The following UBASH3A variants were observed in gnomAD, a reference collection of about 807,000 sequenced individuals.
UBASH3A encodes the protein ubiquitin associated and SH3 domain containing A.
Under a neutral mutation model 73.5 loss-of-function variants are expected in UBASH3A, and 63 were observed. The observed-to-expected ratio is 0.86, with a 90% CI of 0.70 to 1.06. UBASH3A has a LOEUF of 1.06. UBASH3A is among the 50% of genes least tolerant of loss of function. The probability of loss-of-function intolerance (pLI) is 0.00; values close to 1 mark genes in which losing one functional copy is unlikely to be tolerated. For missense variants in UBASH3A, 860 were observed against 859.0 expected, an observed-to-expected ratio of 1.00 and a Z score of -0.02; for synonymous variants, 363 against 351.1, an observed-to-expected ratio of 1.03 and a Z score of -0.38.
intron 8 of UBASH3A, among the ~76,000 whole-genome samples, chr21:42,427,985 G>A (rs538478960): frequency 1.2e-4 from 19 of 152,300 alleles, no homozygotes; most frequent in African/African-American, 4.3e-4. Context: ...CTTTAAAGAG[G>A]TATTTAAGGT....
chr21:42,429,005 AT>A (rs1384275057), intron 8 of UBASH3A, among the ~76,000 whole-genome samples: 12 of 152,266 alleles, frequency 7.9e-5, no homozygotes, highest in Non-Finnish European at 1.6e-4. Context: ...AAATGAGGAA[AT>A]GATCCTGGGT....
rs552007194 is a variant in UBASH3A at position 42,447,528 on chromosome 21, G to A, written c.*334G>A. The stretch of plus-strand genomic sequence containing the variant: ...CAGGAATTAAAGACTCACCACACAC[G>A]AAGGATCTAACCACTTCATTTTCCA... On this transcript the variant is annotated 3_prime_UTR_variant, in exon 15 of 15. Coordinates refer to ENST00000319294, the MANE Select transcript of UBASH3A (RefSeq NM_018961.4). 23 of 224,416 alleles carry A rather than the reference G, an allele frequency of 1.0e-4. No individual in the cohort carries two copies. Among genetic ancestry groups the A allele is most frequent in the Non-Finnish European group, 1.6e-4 (19 of 115,400 alleles). The allele number at this position is 224,416 out of a possible 1,614,324, so 13.9% of individuals were successfully genotyped here.
intron 7 of UBASH3A, 118 bp from the exon 8 acceptor site, chr21:42,426,579 A>G: frequency 8.3e-7 from 1 of 1,204,648 alleles, no homozygotes; most frequent in Non-Finnish European, 1.2e-6. Flanking sequence ...TGCTCATGGG[A>G]ACCTTTCTGC....
chr21:42,410,045 T>C, intron 3 of UBASH3A: 3 of 701,280 alleles, frequency 4.3e-6, no homozygotes, highest in Non-Finnish European at 7.8e-6. Context: ...GCTTCCAAAA[T>C]GTGTGGTAAG....
chr21:42,412,320 T>C (rs1190940721), intron 3 of UBASH3A, among the ~76,000 whole-genome samples: 1 of 151,800 alleles, frequency 6.6e-6, no homozygotes, highest in Non-Finnish European at 1.5e-5. Context: ...GCCTCAGGGG[T>C]GGGAGCTGCA....
intron 9 of UBASH3A, among the ~76,000 whole-genome samples, chr21:42,433,701 T>C (rs1601593399): frequency 1.3e-5 from 2 of 152,272 alleles, no homozygotes; most frequent in East Asian, 3.9e-4. Context: ...ACCTCTAAAA[T>C]GCAGTGTTCA....
Position 42,409,618 on chromosome 21 carries a change from C to G in UBASH3A, c.354+10C>G. ...CTGTGACTTCTTCACGGTGAGTCAA[C>G]CCAGTGTGCCTTCAATGCTCACGGC... is the stretch of plus-strand genomic sequence containing the variant. On this transcript the variant is annotated intron_variant, in intron 3 of 14. Transcript: ENST00000319294. 1 of 1,603,586 alleles carries G rather than the reference C, an allele frequency of 6.2e-7. No individual in the cohort carries two copies. The highest frequency in any genetic ancestry group is 8.5e-7 in the Non-Finnish European group (1 of 1,174,450).
intron 3 of UBASH3A, chr21:42,410,340 C>T (rs992267902): frequency 1.7e-6 from 1 of 591,098 alleles, no homozygotes. Context: ...CGCGGCCTGG[C>T]CCCAACTCTG....
rs116228210 is a variant in UBASH3A, at chr21:42,422,259, G to A, written c.1046+3650G>A. ...CAAATGTGGGATGAAAAATGCAGCC[G>A]TAGTCACACGTCTTTATTTATTGAT... On this transcript the variant is annotated intron_variant, in intron 7 of 14. Coordinates refer to ENST00000319294, the MANE Select transcript of UBASH3A (RefSeq NM_018961.4). 4.7e-3 allele frequency among the ~76,000 whole-genome samples: 714 copies of A among 152,290 alleles called. 4 individuals carry two copies. Among genetic ancestry groups the A allele is most frequent in the African/African-American group, 0.015 (636 of 41,540 alleles).
In UBASH3A at chr21:42,447,248, A is replaced by G; in HGVS notation, c.*54A>G. 6.4e-7 allele frequency: 1 copy of G among 1,565,698 alleles called. No individual in the cohort carries two copies. Among genetic ancestry groups the G allele is most frequent in the South Asian group, 1.2e-5 (1 of 85,132 alleles). On this transcript the variant is annotated 3_prime_UTR_variant, in exon 15 of 15. Transcript: ENST00000319294. ...GAGTGGAGAGGCAGAAACCATGTGCAGAGGCTGGGAGATGCTGCTGTTTCC... is the reference window on the plus strand; with the variant it reads ...GAGTGGAGAGGCAGAAACCATGTGCGGAGGCTGGGAGATGCTGCTGTTTCC...
chr21:42,413,474 G>A lies in UBASH3A; in HGVS notation c.618G>A (p.Leu206=), dbSNP rs566286367. The change falls in exon 5 of 15, where the codon CTG becomes CTA. Residue 206 remains leucine, a synonymous_variant. Transcript: ENST00000319294. This position sits in a 1 kb window ranked among gnomAD's most constrained non-coding sequence, Gnocchi z 4.5. The part of the protein sequence containing the change: ...QVPGHGPNLR[L]SNLTRASFVS... ...CTGGACATGGCCCTAACCTGAGGCT[G>A]AGCAATTTAACTAGAGCCTCCTTCG... is the stretch of plus-strand genomic sequence containing the variant. 1.2e-4 allele frequency: 190 copies of A among 1,614,186 alleles called. No individual in the cohort carries two copies. The South Asian group carries it at 2.0e-3, about 17-fold the overall frequency.
chr21:42,410,578 A>G (rs2146498688), intron 3 of UBASH3A: 1 of 271,700 alleles, frequency 3.7e-6, no homozygotes. Context: ...GCACAAGACT[A>G]AACCTGGAAA....
intron 7 of UBASH3A, among the ~76,000 whole-genome samples, chr21:42,421,827 T>A (rs1673749127): frequency 6.6e-6 from 1 of 152,230 alleles, no homozygotes; most frequent in South Asian, 2.1e-4. Flanking sequence ...AATGATTGCA[T>A]ATTGGTCATT....
rs145397000 is a variant in UBASH3A, at chr21:42,418,571, G to T, written c.1008G>T (p.Thr336=). The part of the protein sequence containing the change: ...GCRGFLPENY[T]DRASESDTWV... ...GGGGCTTCCTGCCGGAAAACTACAC[G>T]GATCGAGCCAGTGAGTCTGACACGT... The change falls in exon 7 of 15, where the codon ACG becomes ACT. Residue 336 remains threonine (T), a synonymous_variant. Transcript: ENST00000319294. The T allele has an allele frequency of 6.2e-7, 1 of 1,613,980 alleles. No homozygotes were observed. Among genetic ancestry groups the T allele is most frequent in the African/African-American group, 1.3e-5 (1 of 74,924 alleles).
intron 7 of UBASH3A, among the ~76,000 whole-genome samples, chr21:42,425,834 G>A (rs1329841134): frequency 6.6e-6 from 1 of 152,148 alleles, no homozygotes; most frequent in African/African-American, 2.4e-5. Flanking sequence ...TTGCAAATGG[G>A]CTGGATAAAT....
chr21:42,426,407 C>T (rs1034648275), intron 7 of UBASH3A, among the ~76,000 whole-genome samples: 1 of 152,210 alleles, frequency 6.6e-6, no homozygotes, highest in African/African-American at 2.4e-5. Context: ...AATACCTTCA[C>T]AGTGACATCT....
rs574255415 is a variant in UBASH3A, at chr21:42,409,106, G to A, written c.168-316G>A. Among the ~76,000 whole-genome samples, 27 of 152,066 alleles carry A rather than the reference G, an allele frequency of 1.8e-4. No individual in the cohort carries two copies. The South Asian group carries it at 4.8e-3, about 27-fold the overall frequency. On this transcript the variant is annotated intron_variant, in intron 2 of 14. Coordinates refer to ENST00000319294, the MANE Select transcript of UBASH3A (RefSeq NM_018961.4). ...ACCATCAAGGAGATGCTGGGCCCACGGATCATTGGAAGACCAGGTTTTAGG... is the reference window on the plus strand; with the variant it reads ...ACCATCAAGGAGATGCTGGGCCCACAGATCATTGGAAGACCAGGTTTTAGG...
chr21:42,427,051 C>T (rs981935287), intron 8 of UBASH3A, among the ~76,000 whole-genome samples: 1 of 152,152 alleles, frequency 6.6e-6, no homozygotes, highest in African/African-American at 2.4e-5. Context: ...GCAGAGTGCC[C>T]CACCTTGAGC....
chr21:42,425,322 G>A (rs549481710), intron 7 of UBASH3A, among the ~76,000 whole-genome samples: 1 of 152,282 alleles, frequency 6.6e-6, no homozygotes, highest in South Asian at 2.1e-4. Context: ...AATGCACTCC[G>A]TTTCTCTCTG....
Sources: gnomAD v4.1 joint callset for allele counts (sites outside exome capture counted in the v4.1 genomes callset) on GRCh38, gnomAD v4.1.1 for gene constraint, Gnocchi (gnomAD v3.1) non-coding constraint, MANE v1.5 for transcripts, NCBI Gene and HGNC (gene_info 2026-07-23, HGNC 2026-07-21) for gene names.